TMEM18: variants seen among roughly 807,000 people sequenced by gnomAD.
The protein encoded by TMEM18 is transmembrane protein 18.
A neutral mutation model predicts 17.4 loss-of-function variants in TMEM18; 14 were observed. The ratio of observed to expected loss-of-function variants is 0.80; its 90% CI spans 0.53 to 1.25. The LOEUF is 1.25. Among genes scored for constraint, TMEM18 ranks in the 50% most tolerant of loss-of-function variants. The probability of loss-of-function intolerance (pLI) is 0.00; values close to 1 mark genes in which losing one functional copy is unlikely to be tolerated. For missense variants in TMEM18, 187 were observed against 172.1 expected (o/e 1.09, Z -0.48); for synonymous variants, 86 against 66.1 (o/e 1.30, Z -1.46).
chr2:672,170 TTC>T (rs1442993634), intron 3 of TMEM18, among the ~76,000 whole-genome samples: 2 of 152,218 alleles, frequency 1.3e-5, no homozygotes, highest in Non-Finnish European at 2.9e-5. Context: ...TTTACTTTTT[TTC>T]TGTTTTATAT....
At position 664,453 on chromosome 2, in the gene TMEM18, C is replaced by A. The variant is rs531004071; in HGVS notation, c.*5127G>T. ...AATTAGAAATAGGTTTTTTAAAGCC[C>A]ATATTGCAAAACAAAGAAGAATACG... On this transcript the variant is annotated 3_prime_UTR_variant, in exon 5 of 5. Transcript: ENST00000281017. Among the ~76,000 whole-genome samples the A allele has an allele frequency of 6.6e-6, 1 of 152,232 alleles. No individual in the cohort carries two copies. Among genetic ancestry groups the A allele is most frequent in the East Asian group, 1.9e-4 (1 of 5,188 alleles).
At chr2:674,420 G>A (rs1678940458) in intron 2 of TMEM18, among the ~76,000 whole-genome samples, 1 of 152,168 alleles carries the variant, frequency 6.6e-6, no homozygotes, top group South Asian at 2.1e-4. Flanking sequence ...ATTTAAATCA[G>A]GCCGCTCCTC....
Sources: allele counts gnomAD v4.1 joint callset (sites outside exome capture counted in the v4.1 genomes callset), GRCh38; gene constraint gnomAD v4.1.1; transcripts MANE v1.5; gene names NCBI Gene and HGNC (gene_info 2026-07-23, HGNC 2026-07-21).